CNTNAP5: variants seen among roughly 807,000 people sequenced by gnomAD.
CNTNAP5 encodes the protein contactin associated protein family member 5.
CNTNAP5 carries 72 observed loss-of-function variants against 150.2 expected under a neutral mutation model. That is an observed-to-expected ratio of 0.48 (90% CI 0.40 to 0.58). CNTNAP5 has a LOEUF of 0.58. CNTNAP5 is among the 20% of genes least tolerant of loss of function. The pLI is 0.00. For missense variants in CNTNAP5, 1,636 were observed against 1,626.2 expected (o/e 1.01, Z -0.10); for synonymous variants, 672 against 619.8 (o/e 1.08, Z -1.25).
chr2:124,674,546 T>TCTTTCTTTCTTTCTTTCTTTCTTC (rs755126208), intron 13 of CNTNAP5, among the ~76,000 whole-genome samples: 18 of 130,216 alleles, frequency 1.4e-4, no homozygotes, highest in Non-Finnish European at 2.6e-4. Context: ...TTTCTTTCTT[T>TCTTTCTTTCTTTCTTTCTTTCTTC]CTTTCTTCCT....
chr2:124,754,571 A>G (rs1680797707), intron 14 of CNTNAP5, among the ~76,000 whole-genome samples: 3 of 152,152 alleles, frequency 2.0e-5, no homozygotes, highest in Admixed American at 2.0e-4. Flanking sequence ...CTCCCCATCC[A>G]CACTTTCTAG....
At chr2:124,642,665 T>C (rs916321954) in intron 12 of CNTNAP5, among the ~76,000 whole-genome samples, 1 of 152,206 alleles carries the variant, frequency 6.6e-6, no homozygotes, top group African/African-American at 2.4e-5. Context: ...AGAGTATTTA[T>C]AACAGCCTCA....
chr2:124,345,076 C>T (rs1157297877), intron 3 of CNTNAP5, among the ~76,000 whole-genome samples: 1 of 152,178 alleles, frequency 6.6e-6, no homozygotes, highest in Non-Finnish European at 1.5e-5. Flanking sequence ...GTATTAGTTT[C>T]TGAGCTCCAG....
intron 13 of CNTNAP5, among the ~76,000 whole-genome samples, chr2:124,661,045 GTGAGGCAGAGAGGGAA>G (rs139489238): frequency 0.052 from 7,941 of 152,096 alleles, 686 homozygotes; most frequent in African/African-American, 0.18. Flanking sequence ...GTTGCTCTGG[GTGAGGCAGAGAGGGAA>G]TGATGTGTGA....
intron 1 of CNTNAP5, among the ~76,000 whole-genome samples, chr2:124,138,361 A>T (rs1315893992): frequency 6.6e-6 from 1 of 152,228 alleles, no homozygotes; most frequent in East Asian, 1.9e-4. Flanking sequence ...TGTTATCAAT[A>T]TCCTGTTTTC....
rs376870301 is a variant in CNTNAP5, at chr2:124,211,529, C to CACAT, written c.83-10173_83-10172insTACA. On this transcript the variant is annotated intron_variant, in intron 1 of 23. Coordinates refer to ENST00000682447, the MANE Select transcript of CNTNAP5 (RefSeq NM_001367498.1). ...AGTCTCCAACACACACACAAACACA[C>CACAT]ACACACACACACACATAAGCAACCA... is the stretch of plus-strand genomic sequence containing the variant. Among the ~76,000 whole-genome samples the CACAT allele has an allele frequency of 3.4e-3, 517 of 151,980 alleles. 1 individual carries two copies. The highest frequency in any genetic ancestry group is 0.011 in the African/African-American group (467 of 41,422).
At chr2:124,742,498 A>G (rs1680516316) in intron 13 of CNTNAP5, among the ~76,000 whole-genome samples, 1 of 152,094 alleles carries the variant, frequency 6.6e-6, no homozygotes, top group Admixed American at 6.6e-5. Context: ...GTTGTGCTAT[A>G]GTATTATTAT....
In CNTNAP5 at chr2:124,487,592, G is replaced by A. The variant is rs73952994; in HGVS notation, c.1062+12710G>A. Reference sequence around the variant, plus strand: ...AATGGAAGATCCAGCAGCCCCAGAAGATGACTTTGGTAGAGGATTATATGT... The same window carrying A: ...AATGGAAGATCCAGCAGCCCCAGAAAATGACTTTGGTAGAGGATTATATGT... On this transcript the variant is annotated intron_variant, in intron 7 of 23. Transcript: ENST00000682447. Among the ~76,000 whole-genome samples, 362 of 152,054 alleles carry A rather than the reference G, an allele frequency of 2.4e-3. 3 individuals are homozygous for A. The highest frequency in any genetic ancestry group is 8.2e-3 in the African/African-American group (340 of 41,524).
intron 22 of CNTNAP5, among the ~76,000 whole-genome samples, chr2:124,905,038 C>CAAAAAAAAAAAAAA (rs55882801): frequency 2.0e-5 from 1 of 50,710 alleles, no homozygotes; most frequent in Non-Finnish European, 4.3e-5. Context: ...AACTCAATAG[C>CAAAAAAAAAAAAAA]AAAAAAAAAA....
chr2:124,639,772 T>C (rs1418801888), intron 12 of CNTNAP5, among the ~76,000 whole-genome samples: 1 of 152,204 alleles, frequency 6.6e-6, no homozygotes, highest in East Asian at 1.9e-4. Context: ...ATACTCCTAA[T>C]GACCTCATAA....
intron 1 of CNTNAP5, among the ~76,000 whole-genome samples, chr2:124,043,600 T>G (rs972881588): frequency 6.6e-6 from 1 of 152,220 alleles, no homozygotes; most frequent in African/African-American, 2.4e-5. Context: ...TGTATTCCAT[T>G]TTGCCAATGT....
At chr2:124,840,018 T>C (rs1682913765) in intron 19 of CNTNAP5, among the ~76,000 whole-genome samples, 1 of 152,102 alleles carries the variant, frequency 6.6e-6, no homozygotes, top group African/African-American at 2.4e-5. Context: ...TGAATCACAT[T>C]TATGGCTTCA....
At chr2:124,044,726 GTTGCTTATA>G (rs1290346066) in intron 1 of CNTNAP5, among the ~76,000 whole-genome samples, 1 of 152,032 alleles carries the variant, frequency 6.6e-6, no homozygotes, top group Non-Finnish European at 1.5e-5. Context: ...AAGCCATATG[GTTGCTTATA>G]TCTCCTCAAC....
At chr2:124,650,606 A>C (rs1678301077) in intron 13 of CNTNAP5, among the ~76,000 whole-genome samples, 1 of 152,146 alleles carries the variant, frequency 6.6e-6, no homozygotes, top group African/African-American at 2.4e-5. Context: ...TACCTATCTA[A>C]GATTCTGGAA....
rs539030513 is a variant in CNTNAP5 at position 124,079,133 on chromosome 2, T to G, written c.82+53401T>G. 1.7e-4 allele frequency among the ~76,000 whole-genome samples: 26 copies of G among 152,288 alleles called. No individual in the cohort carries two copies. The South Asian group carries it at 5.2e-3, about 30-fold the overall frequency. ...CTGGAACTGTGGCTGAAGTCATAAG[T>G]AGGACAAAGATGCATGATTTGGGGC... On this transcript the variant is annotated intron_variant, in intron 1 of 23. Transcript: ENST00000682447.
chr2:124,220,579 CA>C (rs1379305475), intron 1 of CNTNAP5, among the ~76,000 whole-genome samples: 1 of 152,074 alleles, frequency 6.6e-6, no homozygotes, highest in Non-Finnish European at 1.5e-5. Context: ...ATTGCTATAA[CA>C]GAATGCCTGA....
chr2:124,770,354 C>T (rs980251867), intron 16 of CNTNAP5, among the ~76,000 whole-genome samples: 1 of 151,968 alleles, frequency 6.6e-6, no homozygotes, highest in Non-Finnish European at 1.5e-5. Context: ...GATGGGAAAC[C>T]TATTATGGAG....
At chr2:124,855,292 C>G (rs918292118) in intron 19 of CNTNAP5, among the ~76,000 whole-genome samples, 4 of 146,802 alleles carry the variant, frequency 2.7e-5, no homozygotes, top group African/African-American at 9.9e-5. Flanking sequence ...ATTGTCCTGT[C>G]TCAGCCTTCC....
rs548212898 is a variant in CNTNAP5, at chr2:124,538,544, G to C, written c.1649+11088G>C. Among the ~76,000 whole-genome samples the C allele has an allele frequency of 6.6e-5, 9 of 136,034 alleles. No homozygotes were observed. The East Asian group carries it at 1.7e-3, about 26-fold the overall frequency. The allele number at this position is 136,034 out of a possible 152,430, so 89.2% of individuals were successfully genotyped here. On this transcript the variant is annotated intron_variant, in intron 10 of 23. Coordinates refer to ENST00000682447, the MANE Select transcript of CNTNAP5 (RefSeq NM_001367498.1). The stretch of plus-strand genomic sequence containing the variant: ...AGAAAGAAAGAAGGAAAGAAAGAAA[G>C]AAAGAGAGAAAGAAAGAAAAGAAAG...
Sources: allele counts gnomAD v4.1 joint callset (sites outside exome capture counted in the v4.1 genomes callset), GRCh38; gene constraint gnomAD v4.1.1; transcripts MANE v1.5; gene names NCBI Gene and HGNC (gene_info 2026-07-23, HGNC 2026-07-21).